TCF25: variants seen among roughly 807,000 people sequenced by gnomAD.
TCF25 encodes ribosome quality control complex subunit TCF25.
In TCF25, 41 loss-of-function variants were observed where a neutral mutation model predicts 83.1. The observed-to-expected ratio is 0.49, with a 90% confidence interval of 0.38 to 0.64. The LOEUF is 0.64. TCF25 is among the 30% of genes least tolerant of loss of function. TCF25 has a pLI of 0.00. For synonymous variants in TCF25, 458 were observed against 365.0 expected (o/e 1.25, Z -2.90); for missense variants, 979 against 914.5 (o/e 1.07, Z -0.91).
At chr16:89,906,939 A>G (rs1323014313) in intron 15 of TCF25, among the ~76,000 whole-genome samples, 2 of 151,994 alleles carry the variant, frequency 1.3e-5, no homozygotes, top group Non-Finnish European at 1.5e-5. Flanking sequence ...ACACGTGGTG[A>G]AGATGTTGGC....
Position 89,906,254 on chromosome 16 carries a change from G to T in TCF25, c.1689G>T (p.Glu563Asp). 1 of 1,613,360 alleles carries T rather than the reference G, an allele frequency of 6.2e-7. No homozygotes were observed. Among genetic ancestry groups the T allele is most frequent in the South Asian group, 1.1e-5 (1 of 91,068 alleles). The change falls in exon 15 of 18, where the codon GAG (glutamate) becomes GAT (aspartate). Residue 563 changes from glutamate (E) to aspartate (D), a missense_variant. Transcript: ENST00000263346. The part of the protein sequence containing the change: ...RNIHRHVILS[E>D]IKEAVAALPP... Reference sequence around the variant, plus strand: ...TCCACCGCCATGTGATCCTCTCTGAGATCAAGGAAGCCGTCGCTGCCCTGC... The same window carrying T: ...TCCACCGCCATGTGATCCTCTCTGATATCAAGGAAGCCGTCGCTGCCCTGC...
intron 8 of TCF25, 142 bp downstream of exon 8, chr16:89,895,279 T>C (rs1597336938): frequency 1.3e-6 from 1 of 747,778 alleles, no homozygotes. Flanking sequence ...AGCACAAAAC[T>C]TACCCATTTA....
chr16:89,910,065 A>G (rs575517723), intron 16 of TCF25: 4 of 155,322 alleles, frequency 2.6e-5, no homozygotes, highest in East Asian at 1.9e-4. Flanking sequence ...GTGTTGCAGC[A>G]TTGAGGAATC....
chr16:89,910,827 G>A (rs2045496411), intron 17 of TCF25, among the ~76,000 whole-genome samples, 164 bp downstream of exon 17: 1 of 152,258 alleles, frequency 6.6e-6, no homozygotes, highest in Non-Finnish European at 1.5e-5. Context: ...TTCTGCCGGG[G>A]AAACTGGGGC....
intron 1 of TCF25, among the ~76,000 whole-genome samples, chr16:89,880,675 CCA>C (rs1454224650): frequency 1.3e-5 from 2 of 152,026 alleles, no homozygotes; most frequent in African/African-American, 4.8e-5. Context: ...GATCCCTTGA[CCA>C]CAGGAATTTG....
intron 5 of TCF25, among the ~76,000 whole-genome samples, chr16:89,891,489 C>G (rs1455968459): frequency 6.6e-6 from 1 of 152,242 alleles, no homozygotes; most frequent in African/African-American, 2.4e-5. Flanking sequence ...CTGCTGCTGT[C>G]TGTGCTGCCG....
chr16:89,910,091 C>T (rs1488059081), intron 16 of TCF25: 2 of 156,568 alleles, frequency 1.3e-5, no homozygotes, highest in Non-Finnish European at 2.8e-5. Context: ...TCTTTGCTGC[C>T]TCCCTCCGCT....
At position 89,904,929 on chromosome 16, in the gene TCF25, C is replaced by G. The variant is rs1198647297; in HGVS notation, c.1470-9C>G. 5 of 1,600,104 alleles carry G rather than the reference C, an allele frequency of 3.1e-6. No homozygotes were observed. The Admixed American group carries it at 5.1e-5, about 16-fold the overall frequency. On this transcript the variant is annotated splice_polypyrimidine_tract_variant and intron_variant, in intron 13 of 17. Coordinates refer to ENST00000263346, the MANE Select transcript of TCF25 (RefSeq NM_014972.3). ...AGGGGTTCTGCTCAGAGCCCTTGCTCTCCCCCAGCCAGCCCCCTGCCCTGA... is the reference window on the plus strand; with the variant it reads ...AGGGGTTCTGCTCAGAGCCCTTGCTGTCCCCCAGCCAGCCCCCTGCCCTGA...
intron 4 of TCF25, among the ~76,000 whole-genome samples, chr16:89,887,359 G>A (rs182195884): frequency 2.6e-5 from 4 of 152,042 alleles, no homozygotes; most frequent in Non-Finnish European, 1.5e-5. Context: ...GTCCCAGGGT[G>A]CGTGCACTGC....
rs776736867 is a variant in TCF25 at position 89,898,836 on chromosome 16, C to G, written c.1185C>G (p.Asn395Lys). 8.1e-6 allele frequency: 13 copies of G among 1,613,932 alleles called. No homozygotes were observed. Among genetic ancestry groups the G allele is most frequent in the Non-Finnish European group, 9.3e-6 (11 of 1,180,048 alleles). The change falls in exon 11 of 18, where the codon AAC (asparagine) becomes AAG (lysine). Residue 395 changes from asparagine (N) to lysine (K), a missense_variant. Physicochemically the swap from Asn to Lys is moderately conservative, Grantham distance 94. Transcript: ENST00000263346. ...LIDHLALRAR[N>K]YEYLIRLFQE... ...ACCACCTGGCCTTGCGGGCCCGGAA[C>G]TACGAGTACCTGATCCGCCTCTTCC...
chr16:89,881,920 G>T (rs962321642), intron 1 of TCF25, among the ~76,000 whole-genome samples: 4 of 151,598 alleles, frequency 2.6e-5, no homozygotes, highest in African/African-American at 9.7e-5. Flanking sequence ...GCACCTGGCC[G>T]ATTTTTTTAT....
intron 1 of TCF25, among the ~76,000 whole-genome samples, chr16:89,876,361 A>G (rs1481741164): frequency 6.6e-6 from 1 of 152,230 alleles, no homozygotes; most frequent in African/African-American, 2.4e-5. Flanking sequence ...GAGACAGTAA[A>G]CAGCCAGTTA....
intron 9 of TCF25, among the ~76,000 whole-genome samples, chr16:89,897,446 G>T (rs1264023932): frequency 1.3e-5 from 2 of 152,242 alleles, no homozygotes; most frequent in African/African-American, 2.4e-5. Flanking sequence ...GTTGTCTGCA[G>T]TGTGGGATCC....
At chr16:89,899,008 C>T in intron 11 of TCF25, 136 bp downstream of exon 11, 1 of 837,958 alleles carries the variant, frequency 1.2e-6, no homozygotes, top group Non-Finnish European at 1.9e-6. Context: ...ACCACGTCCT[C>T]CTGCCTTGTT....
chr16:89,878,715 A>C, intron 1 of TCF25: 58 of 949,976 alleles, frequency 6.1e-5, no homozygotes, highest in South Asian at 7.1e-5. Context: ...ATCTCAGCTC[A>C]CTGCAAGCTC....
In TCF25 at chr16:89,907,305, C is replaced by G; in HGVS notation, c.1782C>G (p.Ser594=). Residue 594 remains serine, a synonymous_variant, in exon 16 of 18, where the codon TCC becomes TCG. Coordinates refer to ENST00000263346, the MANE Select transcript of TCF25 (RefSeq NM_014972.3). Reference sequence around the variant, plus strand: ...TGCCTCCTTCGGACACAATCTACTCCTACGTCAGGCCAGAGAGGTACCTCC... The same window carrying G: ...TGCCTCCTTCGGACACAATCTACTCGTACGTCAGGCCAGAGAGGTACCTCC... The part of the protein sequence containing the change: ...DPLPPSDTIY[S]YVRPERLSPI... 4 of 1,612,516 alleles carry G rather than the reference C, an allele frequency of 2.5e-6. No individual in the cohort carries two copies. The highest frequency in any genetic ancestry group is 3.4e-6 in the Non-Finnish European group (4 of 1,179,268).
chr16:89,904,860 A>C (rs1290734236), intron 13 of TCF25, 78 bp from the exon 14 acceptor site: 1 of 1,530,860 alleles, frequency 6.5e-7, no homozygotes, highest in East Asian at 2.4e-5. Context: ...CCGTCTGCCC[A>C]TCCATGGGGC....
chr16:89,875,592 G>A (rs1188400522), intron 1 of TCF25, among the ~76,000 whole-genome samples: 5 of 140,088 alleles, frequency 3.6e-5, no homozygotes, highest in East Asian at 2.0e-4. Context: ...GCATGATCTC[G>A]GCTCACTGCA....
chr16:89,873,897 C>A (rs943100956), intron 1 of TCF25, 38 bp downstream of exon 1: 1 of 1,476,032 alleles, frequency 6.8e-7, no homozygotes, highest in Non-Finnish European at 9.0e-7. Context: ...GTGGGGTGGC[C>A]CTTGACGTTG....
Sources: allele counts gnomAD v4.1 joint callset (sites outside exome capture counted in the v4.1 genomes callset), GRCh38; gene constraint gnomAD v4.1.1; transcripts MANE v1.5; gene names NCBI Gene and HGNC (gene_info 2026-07-23, HGNC 2026-07-21).